ACSF2: variants seen among roughly 807,000 people sequenced by gnomAD.
The protein encoded by ACSF2 is acyl-CoA synthetase family member 2.
A neutral mutation model predicts 79.3 loss-of-function variants in ACSF2; 52 were observed. That is an observed-to-expected ratio of 0.66 (90% CI 0.53 to 0.83). The LOEUF (loss-of-function observed/expected upper bound fraction) is 0.83. Ranked by LOEUF, ACSF2 falls within the 40% of genes least tolerant of loss-of-function variation. The pLI is 0.00. For missense variants in ACSF2, 661 were observed against 803.3 expected (o/e 0.82, Z 2.14); for synonymous variants, 283 against 312.6 (o/e 0.91, Z 1.00).
At chr17:50,453,028 C>A (rs1048709838) in intron 1 of ACSF2, among the ~76,000 whole-genome samples, 2 of 152,104 alleles carry the variant, frequency 1.3e-5, no homozygotes, top group African/African-American at 4.8e-5. Context: ...TATGCCCTCT[C>A]CTTTCTCCCA....
intron 10 of ACSF2, among the ~76,000 whole-genome samples, chr17:50,469,684 A>T (rs1346596675): frequency 6.6e-6 from 1 of 152,090 alleles, no homozygotes; most frequent in Admixed American, 6.5e-5. Flanking sequence ...GCCCCGAAAT[A>T]TCTCCATCCC....
In ACSF2 at chr17:50,474,504, C is replaced by A. The variant is rs1460633693; in HGVS notation, c.1800C>A (p.Ile600=). The A allele has an allele frequency of 6.2e-7, 1 of 1,614,132 alleles. No homozygotes were observed. Among genetic ancestry groups the A allele is most frequent in the South Asian group, 1.1e-5 (1 of 91,082 alleles). The change falls in exon 16 of 16, where the codon ATC becomes ATA. Residue 600 remains isoleucine (I), a splice_region_variant and synonymous_variant. Coordinates refer to ENST00000300441, the MANE Select transcript of ACSF2 (RefSeq NM_025149.6). The surrounding 1 kb of genome is among the most constrained non-coding windows in gnomAD (Gnocchi z 4.2). ...TNYPLTISGK[I]QKFKLREQME... ...TAACTCCATTTTCTTTCCTCTAGAT[C>A]CAGAAATTCAAACTTCGAGAGCAGA...
chr17:50,441,417 C>T (rs1320310775), intron 1 of ACSF2, among the ~76,000 whole-genome samples: 2 of 152,182 alleles, frequency 1.3e-5, no homozygotes, highest in South Asian at 2.1e-4. Flanking sequence ...TCAAGGGATC[C>T]GCCCACCTTG....
intron 1 of ACSF2, among the ~76,000 whole-genome samples, chr17:50,447,221 A>G (rs1462628528): frequency 6.6e-6 from 1 of 152,052 alleles, no homozygotes; most frequent in Non-Finnish European, 1.5e-5. Flanking sequence ...GGACATATAT[A>G]TGGAATCATA....
At chr17:50,465,602 T>C in intron 10 of ACSF2, 1 of 1,489,540 alleles carries the variant, frequency 6.7e-7, no homozygotes, top group Non-Finnish European at 9.2e-7. Flanking sequence ...CCCATGCTTA[T>C]TAGGTAGCAG....
chr17:50,463,202 T>C lies in ACSF2; in HGVS notation c.839T>C (p.Ile280Thr). 3 of 1,614,044 alleles carry C rather than the reference T, an allele frequency of 1.9e-6. No individual in the cohort carries two copies. Among genetic ancestry groups the C allele is most frequent in the Non-Finnish European group, 2.5e-6 (3 of 1,180,010 alleles). ...PKGATLSHYNIVNNSNILGER... is the reference protein window; with the variant it reads ...PKGATLSHYNTVNNSNILGER... The stretch of plus-strand genomic sequence containing the variant: ...GGGGCCACCCTCTCCCACTACAACA[T>C]TGTCAACAACTCCAACATTTTAGGA... Residue 280 changes from isoleucine to threonine, a missense_variant, in exon 7 of 16, where the codon ATT (isoleucine) becomes ACT (threonine). Ile to Thr is a moderately conservative substitution (Grantham distance 89). Coordinates refer to ENST00000300441, the MANE Select transcript of ACSF2 (RefSeq NM_025149.6). The surrounding 1 kb of genome is among the most constrained non-coding windows in gnomAD (Gnocchi z 4.6).
chr17:50,470,426 A>G (rs1466158022), intron 10 of ACSF2, among the ~76,000 whole-genome samples: 4 of 151,958 alleles, frequency 2.6e-5, no homozygotes, highest in Non-Finnish European at 5.9e-5. Flanking sequence ...TGGTTTTTAA[A>G]ATCACTGCTT....
intron 1 of ACSF2, among the ~76,000 whole-genome samples, chr17:50,457,279 C>A (rs1342958849): frequency 6.6e-6 from 1 of 152,198 alleles, no homozygotes; most frequent in African/African-American, 2.4e-5. Flanking sequence ...TCCAGGCCAT[C>A]ATTGGATATG....
chr17:50,460,156 T>A (rs180813818), intron 1 of ACSF2: 1 of 455,734 alleles, frequency 2.2e-6, no homozygotes, highest in East Asian at 6.9e-5. Flanking sequence ...AGGGCCTCCA[T>A]CTGCCCTCTC....
chr17:50,427,801 A>G (rs1242126139), intron 1 of ACSF2, among the ~76,000 whole-genome samples: 3 of 152,172 alleles, frequency 2.0e-5, no homozygotes, highest in East Asian at 1.9e-4. Flanking sequence ...TTTTTTATCT[A>G]TAAACAAAAC....
In ACSF2 at chr17:50,469,075, C is replaced by CCCCCGAG. The variant is rs952917061; in HGVS notation, c.1216-1942_1216-1936dup. On this transcript the variant is annotated intron_variant, in intron 10 of 15. Transcript: ENST00000300441. ...CGTGCATGAGGGGGTGGGACCGTGGCCCCCGAGCCCCGAGCCCTGAGCCCC... is the reference window on the plus strand; with the variant it reads ...CGTGCATGAGGGGGTGGGACCGTGGCCCCCGAGCCCCGAGCCCCGAGCCCTGAGCCCC... 282 of 1,234,806 alleles carry CCCCCGAG rather than the reference C, an allele frequency of 2.3e-4. 1 individual carries two copies. Among genetic ancestry groups the CCCCCGAG allele is most frequent in the East Asian group, 1.8e-3 (48 of 26,848 alleles). 76.5% of individuals were successfully genotyped at this position (1,234,806 alleles called of 1,614,324 possible).
intron 4 of ACSF2, 48 bp downstream of exon 4, chr17:50,461,734 G>A (rs749646020): frequency 9.3e-6 from 15 of 1,607,072 alleles, no homozygotes; most frequent in Non-Finnish European, 1.1e-5. Flanking sequence ...CTGGCACAGG[G>A]GGCTGCACAG....
intron 1 of ACSF2, among the ~76,000 whole-genome samples, chr17:50,450,958 G>A (rs1327559712): frequency 6.7e-6 from 1 of 149,784 alleles, no homozygotes; most frequent in Non-Finnish European, 1.5e-5. Flanking sequence ...TTGAGACAGA[G>A]TTTCACTCTG....
intron 1 of ACSF2, among the ~76,000 whole-genome samples, chr17:50,456,113 C>T (rs1013807066): frequency 6.6e-6 from 1 of 152,152 alleles, no homozygotes; most frequent in East Asian, 1.9e-4. Context: ...TGGAGTGCCC[C>T]GTCCGGAGTC....
intron 1 of ACSF2, among the ~76,000 whole-genome samples, chr17:50,437,381 GGCTTA>G (rs1406458125): frequency 6.6e-6 from 1 of 152,158 alleles, no homozygotes; most frequent in Non-Finnish European, 1.5e-5. Context: ...TAGGCACAAT[GGCTTA>G]CGCCTGTAAT....
intron 1 of ACSF2, among the ~76,000 whole-genome samples, chr17:50,428,576 G>A (rs541667802): frequency 1.3e-4 from 20 of 151,876 alleles, no homozygotes; most frequent in Non-Finnish European, 2.9e-4. Context: ...CTTGAGGTCA[G>A]GAGTTAGATC....
At chr17:50,468,349 G>A (rs1327432509) in intron 10 of ACSF2, 1 of 1,614,220 alleles carries the variant, frequency 6.2e-7, no homozygotes, top group Non-Finnish European at 8.5e-7. Flanking sequence ...TCTTGTTGTT[G>A]TTGAGCTGCA....
chr17:50,471,004 A>C lies in ACSF2; in HGVS notation c.1216-24A>C, dbSNP rs552920194. On this transcript the variant is annotated intron_variant, in intron 10 of 15. Transcript: ENST00000300441. This position sits in a 1 kb window ranked among gnomAD's most constrained non-coding sequence, Gnocchi z 4.1. The stretch of plus-strand genomic sequence containing the variant: ...CCTCTGCACGTGCTGAGCCCTCTTC[A>C]AACACCCTTTCTGGACCCTCTAGGT... 6.3e-7 allele frequency: 1 copy of C among 1,595,152 alleles called. No individual in the cohort carries two copies. Among genetic ancestry groups the C allele is most frequent in the South Asian group, 1.1e-5 (1 of 90,698 alleles).
At chr17:50,455,015 C>T (rs2031906863) in intron 1 of ACSF2, among the ~76,000 whole-genome samples, 2 of 152,328 alleles carry the variant, frequency 1.3e-5, no homozygotes, top group East Asian at 1.9e-4. Flanking sequence ...AGGCTGAACA[C>T]CTGCCGTCCG....
Sources: gnomAD v4.1 joint callset for allele counts (sites outside exome capture counted in the v4.1 genomes callset) on GRCh38, gnomAD v4.1.1 for gene constraint, Gnocchi (gnomAD v3.1) non-coding constraint, MANE v1.5 for transcripts, NCBI Gene and HGNC (gene_info 2026-07-23, HGNC 2026-07-21) for gene names.